DDX10: variants seen among roughly 807,000 people sequenced by gnomAD.
DDX10 encodes probable ATP-dependent RNA helicase DDX10.
DDX10 carries 74 observed loss-of-function variants against 104.3 expected under a neutral mutation model. The observed-to-expected ratio is 0.71, with a 90% confidence interval of 0.59 to 0.86. DDX10 has a LOEUF of 0.86. DDX10 is among the 40% of genes least tolerant of loss of function. The pLI, the probability that DDX10 is intolerant of heterozygous loss-of-function variation, is 0.00. For missense variants in DDX10, 952 were observed against 1,040.0 expected (o/e 0.92, Z 1.16); for synonymous variants, 351 against 353.4 (o/e 0.99, Z 0.08).
intron 13 of DDX10, among the ~76,000 whole-genome samples, chr11:108,729,271 T>C (rs1180711426): frequency 6.6e-6 from 1 of 152,152 alleles, no homozygotes; most frequent in Non-Finnish European, 1.5e-5. Context: ...TATGCCGCTC[T>C]TATTGAAGGA....
chr11:108,716,201 T>G (rs756854356), intron 11 of DDX10, among the ~76,000 whole-genome samples: 2 of 152,054 alleles, frequency 1.3e-5, no homozygotes, highest in Non-Finnish European at 2.9e-5. Flanking sequence ...GCTCAAGTGA[T>G]TCTTGTGCCT....
intron 10 of DDX10, among the ~76,000 whole-genome samples, chr11:108,713,497 A>G (rs566094403): frequency 7.1e-4 from 108 of 151,926 alleles, no homozygotes; most frequent in Admixed American, 3.5e-3. Flanking sequence ...GTTCTCTCGC[A>G]TTTCTTTTCG....
At chr11:108,911,556 C>CTTTTTTTTTTTTTTT (rs869132450) in intron 16 of DDX10, among the ~76,000 whole-genome samples, 1 of 63,690 alleles carries the variant, frequency 1.6e-5, no homozygotes, top group African/African-American at 6.7e-5. Flanking sequence ...GCCTCCTCTT[C>CTTTTTTTTTTTTTTT]TTTTTTTTTT....
intron 13 of DDX10, among the ~76,000 whole-genome samples, chr11:108,753,258 T>C (rs925121127): frequency 1.3e-5 from 2 of 152,094 alleles, no homozygotes; most frequent in African/African-American, 4.8e-5. Flanking sequence ...TTATCCTTGG[T>C]TGGATAAAAA....
chr11:108,858,018 G>A (rs973154833), intron 16 of DDX10, among the ~76,000 whole-genome samples: 4 of 152,100 alleles, frequency 2.6e-5, no homozygotes, highest in African/African-American at 7.2e-5. Context: ...AAATCTCACT[G>A]GAATCCCAGC....
intron 16 of DDX10, among the ~76,000 whole-genome samples, chr11:108,867,572 G>A (rs1863023557): frequency 6.6e-6 from 1 of 152,192 alleles, no homozygotes. Flanking sequence ...CATGACACCT[G>A]TGTGTATGGA....
intron 9 of DDX10, among the ~76,000 whole-genome samples, chr11:108,702,516 A>AGAATGGAGTT (rs1394152686): frequency 2.0e-5 from 3 of 152,224 alleles, no homozygotes; most frequent in Non-Finnish European, 4.4e-5. Context: ...AGACCCAACT[A>AGAATGGAGTT]GAATGGAGTT....
At chr11:108,696,410 C>T (rs1351597790) in intron 9 of DDX10, among the ~76,000 whole-genome samples, 1 of 152,100 alleles carries the variant, frequency 6.6e-6, no homozygotes, top group Admixed American at 6.5e-5. Flanking sequence ...CTCCTGACCT[C>T]AAGTGATCCG....
At chr11:108,792,074 A>G (rs940628959) in intron 13 of DDX10, among the ~76,000 whole-genome samples, 1 of 152,132 alleles carries the variant, frequency 6.6e-6, no homozygotes, top group African/African-American at 2.4e-5. Context: ...CCTTTTATAT[A>G]TCATTTTTGA....
Position 108,673,575 on chromosome 11 carries a change from T to A in DDX10, c.247+48T>A, listed in dbSNP as rs747276078. The A allele has an allele frequency of 1.2e-5, 17 of 1,375,022 alleles. No individual in the cohort carries two copies. The Admixed American group carries it at 3.3e-4, about 26-fold the overall frequency. The allele number at this position is 1,375,022 out of a possible 1,614,324, so 85.2% of individuals were successfully genotyped here. Reference sequence around the variant, plus strand: ...ATGTGTTATTGGATTTCTTGGCATTTTTGATAAATGGGAGAAGATTTAGAG... The same window carrying A: ...ATGTGTTATTGGATTTCTTGGCATTATTGATAAATGGGAGAAGATTTAGAG... On this transcript the variant is annotated intron_variant, in intron 2 of 17. Coordinates refer to ENST00000322536, the MANE Select transcript of DDX10 (RefSeq NM_004398.4).
intron 13 of DDX10, among the ~76,000 whole-genome samples, chr11:108,756,886 T>G (rs1258021242): frequency 6.6e-6 from 1 of 152,084 alleles, no homozygotes; most frequent in Non-Finnish European, 1.5e-5. Context: ...TCACATACTT[T>G]TGGTCTTAAT....
At chr11:108,795,869 G>T (rs1454974863) in intron 13 of DDX10, among the ~76,000 whole-genome samples, 5 of 152,140 alleles carry the variant, frequency 3.3e-5, no homozygotes, top group Non-Finnish European at 7.4e-5. Flanking sequence ...GTAATGGGAT[G>T]GCTGGGTCAA....
chr11:108,838,634 C>T (rs1030971037), intron 14 of DDX10, 69 bp downstream of exon 14: 12 of 1,486,760 alleles, frequency 8.1e-6, no homozygotes, highest in South Asian at 1.4e-5. Context: ...CTCTCTCTTA[C>T]TTAGCACTCA....
chr11:108,744,999 G>A (rs1004284932), intron 13 of DDX10, among the ~76,000 whole-genome samples: 3 of 151,250 alleles, frequency 2.0e-5, no homozygotes, highest in Non-Finnish European at 4.4e-5. Context: ...ATAGGAAATA[G>A]CAAGGGCTAA....
At chr11:108,810,066 T>C (rs1416465751) in intron 13 of DDX10, among the ~76,000 whole-genome samples, 1 of 152,194 alleles carries the variant, frequency 6.6e-6, no homozygotes, top group Non-Finnish European at 1.5e-5. Context: ...GTGTTCTTCA[T>C]GTGGAAAGTA....
chr11:108,716,931 T>C (rs2094292255), intron 11 of DDX10, among the ~76,000 whole-genome samples: 1 of 152,234 alleles, frequency 6.6e-6, no homozygotes, highest in Non-Finnish European at 1.5e-5. Context: ...CTTTTTTTTT[T>C]TTAAAGTTTT....
chr11:108,856,648 C>T (rs933145135), intron 16 of DDX10, among the ~76,000 whole-genome samples: 1 of 152,006 alleles, frequency 6.6e-6, no homozygotes, highest in Non-Finnish European at 1.5e-5. Flanking sequence ...TTTTTTGGTG[C>T]TAAAATATCC....
chr11:108,730,231 A>T (rs61158618), intron 13 of DDX10: 18,717 of 152,242 alleles, frequency 0.12, 1,568 homozygotes, highest in East Asian at 0.27. Context: ...AACATTTCGA[A>T]AAGATTAGCT....
intron 13 of DDX10, among the ~76,000 whole-genome samples, chr11:108,832,207 AT>A (rs11477848): frequency 0.88 from 134,274 of 152,040 alleles, 59,538 homozygotes; most frequent in East Asian, 0.97. Flanking sequence ...TCCAAGAGTC[AT>A]TTTTTTAAAA....
Sources: gnomAD v4.1 joint callset for allele counts (sites outside exome capture counted in the v4.1 genomes callset) on GRCh38, gnomAD v4.1.1 for gene constraint, MANE v1.5 for transcripts, NCBI Gene and HGNC (gene_info 2026-07-23, HGNC 2026-07-21) for gene names.